CAB39L: variants seen among roughly 807,000 people sequenced by gnomAD.
CAB39L encodes the protein calcium binding protein 39 like.
A neutral mutation model predicts 39.1 loss-of-function variants in CAB39L; 23 were observed. The observed-to-expected ratio is 0.59, with a 90% CI of 0.42 to 0.83. CAB39L has a LOEUF of 0.83. CAB39L is among the 40% of genes least tolerant of loss of function. The pLI is 0.00. For synonymous variants in CAB39L, 126 were observed against 137.2 expected (o/e 0.92, Z 0.57); for missense variants, 366 against 391.9 (o/e 0.93, Z 0.56).
intron 3 of CAB39L, among the ~76,000 whole-genome samples, chr13:49,428,650 T>C (rs1957276594): frequency 1.3e-5 from 2 of 151,990 alleles, no homozygotes; most frequent in South Asian, 4.1e-4. Context: ...TCACATAACT[T>C]CTCTTTTCTT....
Position 49,310,546 on chromosome 13 carries a change from C to G in CAB39L, c.*268G>C, listed in dbSNP as rs375082754. 1 of 291,890 alleles carries G rather than the reference C, an allele frequency of 3.4e-6. No individual in the cohort carries two copies. 18.1% of individuals were successfully genotyped at this position (291,890 alleles called of 1,614,324 possible). A position where few individuals can be genotyped will look rare whatever the true frequency, so the allele number is the denominator to read the frequency against. On this transcript the variant is annotated 3_prime_UTR_variant, in exon 11 of 11. Coordinates refer to ENST00000409308, the MANE Select transcript of CAB39L (RefSeq NM_001079670.3). ...TAGCGGCTCATTGTGCCCAGGGGCT[C>G]ACATCTGCAAGTTAAAATTGCTTTT...
chr13:49,354,074 A>G (rs575931385), intron 6 of CAB39L, among the ~76,000 whole-genome samples: 1 of 152,270 alleles, frequency 6.6e-6, no homozygotes, highest in East Asian at 1.9e-4. Flanking sequence ...CCATCTATAA[A>G]AAGTTTCCAC....
In CAB39L at chr13:49,359,724, G is replaced by A. The variant is rs969128152; in HGVS notation, c.385C>T (p.Leu129Phe). 6.9e-6 allele frequency: 11 copies of A among 1,585,168 alleles called. No homozygotes were observed. The highest frequency in any genetic ancestry group is 5.4e-5 in the African/African-American group (4 of 74,258). ...AAGCCATGTACCTACCCTTTGAGGA[G>A]CATAAACAGGATATGAGGATGAGCA... Reference protein sequence around the residue: ...ISAHPHILFMLLKGYEAPQIA... With the variant: ...ISAHPHILFMFLKGYEAPQIA... Residue 129 changes from leucine to phenylalanine, a missense_variant, in exon 6 of 11, where the codon CTC becomes TTC. Leu to Phe is a conservative substitution (Grantham distance 22). Transcript: ENST00000409308.
intron 5 of CAB39L, among the ~76,000 whole-genome samples, chr13:49,366,683 C>T (rs1467253615): frequency 6.7e-6 from 1 of 149,098 alleles, no homozygotes; most frequent in Non-Finnish European, 1.5e-5. Flanking sequence ...CTCCAAAACC[C>T]AACCCCCCAT....
At chr13:49,312,427 T>C (rs936614853) in intron 10 of CAB39L, among the ~76,000 whole-genome samples, 3 of 152,348 alleles carry the variant, frequency 2.0e-5, no homozygotes, top group South Asian at 4.1e-4. Context: ...ATCTTGTTAC[T>C]GTATCTTTTC....
chr13:49,442,807 A>AC (rs1566146228), intron 1 of CAB39L, among the ~76,000 whole-genome samples: 3 of 141,422 alleles, frequency 2.1e-5, no homozygotes, highest in African/African-American at 8.0e-5. Flanking sequence ...AAAAAAAAAA[A>AC]AAAAAAAAAA....
At chr13:49,363,939 A>G (rs1464461634) in intron 5 of CAB39L, among the ~76,000 whole-genome samples, 1 of 152,182 alleles carries the variant, frequency 6.6e-6, no homozygotes, top group African/African-American at 2.4e-5. Flanking sequence ...CTATGAAGAT[A>G]CACATGGACT....
At chr13:49,369,733 G>T (rs543470931) in intron 5 of CAB39L, among the ~76,000 whole-genome samples, 197 of 152,062 alleles carry the variant, frequency 1.3e-3, no homozygotes, top group African/African-American at 4.5e-3. Context: ...GACTACAGGT[G>T]CACACCACCA....
intron 9 of CAB39L, among the ~76,000 whole-genome samples, chr13:49,338,192 A>G (rs895398696): frequency 6.6e-6 from 1 of 152,138 alleles, no homozygotes; most frequent in Non-Finnish European, 1.5e-5. Context: ...CTATAAAGAC[A>G]CATGCACACG....
intron 1 of CAB39L, among the ~76,000 whole-genome samples, chr13:49,440,104 TTTTG>T (rs1957486074): frequency 6.6e-6 from 1 of 152,142 alleles, no homozygotes; most frequent in African/African-American, 2.4e-5. Context: ...ACTTGTCAAC[TTTTG>T]TTTTTGTTGC....
At position 49,359,764 on chromosome 13, in the gene CAB39L, A is replaced by G. The variant is rs1248096002; in HGVS notation, c.345T>C (p.Thr115=). 1.2e-6 allele frequency: 2 copies of G among 1,613,090 alleles called. No individual in the cohort carries two copies. Among genetic ancestry groups the G allele is most frequent in the Middle Eastern group, 1.7e-4 (1 of 6,058 alleles). ...LRRQIGTRSP[T]VEYISAHPHI... ...GAGGATGAGCACTAATATACTCCACAGTAGGACTCCGAGTGCCTATCTGTC... is the reference window on the plus strand; with the variant it reads ...GAGGATGAGCACTAATATACTCCACGGTAGGACTCCGAGTGCCTATCTGTC... Residue 115 remains threonine, a synonymous_variant, in exon 6 of 11, where the codon ACT becomes ACC. Coordinates refer to ENST00000409308, the MANE Select transcript of CAB39L (RefSeq NM_001079670.3).
intron 3 of CAB39L, among the ~76,000 whole-genome samples, chr13:49,423,842 T>C (rs1957207646): frequency 6.6e-6 from 1 of 152,202 alleles, no homozygotes; most frequent in East Asian, 1.9e-4. Flanking sequence ...AAAGTAATTG[T>C]AGACCTAGAA....
chr13:49,376,613 A>G (rs1956066439), intron 5 of CAB39L, among the ~76,000 whole-genome samples: 1 of 152,192 alleles, frequency 6.6e-6, no homozygotes. Context: ...TTCTTCATCT[A>G]TAACATGGGG....
intron 1 of CAB39L, among the ~76,000 whole-genome samples, chr13:49,440,502 C>T (rs1957492190): frequency 6.6e-6 from 1 of 151,864 alleles, no homozygotes; most frequent in African/African-American, 2.4e-5. Flanking sequence ...GTTACTGTAG[C>T]CTCAAAGTAT....
chr13:49,435,924 C>CACA (rs1957404917), intron 1 of CAB39L, among the ~76,000 whole-genome samples: 2 of 152,204 alleles, frequency 1.3e-5, no homozygotes, highest in African/African-American at 4.8e-5. Flanking sequence ...AGGAGGTTAG[C>CACA]TCTTTGTGAT....
chr13:49,410,118 G>A (rs1325850937), intron 3 of CAB39L, among the ~76,000 whole-genome samples: 1 of 152,146 alleles, frequency 6.6e-6, no homozygotes, highest in Non-Finnish European at 1.5e-5. Context: ...ATGAGGTTAA[G>A]AAACAGATCT....
chr13:49,426,749 T>C (rs564714863), intron 3 of CAB39L, among the ~76,000 whole-genome samples: 7 of 152,256 alleles, frequency 4.6e-5, no homozygotes, highest in Admixed American at 2.0e-4. Context: ...TATTGAAGAT[T>C]TTCTATGAGC....
intron 3 of CAB39L, among the ~76,000 whole-genome samples, chr13:49,397,477 T>C (rs929622142): frequency 4.6e-5 from 7 of 152,232 alleles, no homozygotes; most frequent in African/African-American, 1.7e-4. Flanking sequence ...ATGTCCCTTG[T>C]TAATTACTCT....
chr13:49,330,213 T>C (rs538345706), intron 10 of CAB39L, among the ~76,000 whole-genome samples: 109 of 152,356 alleles, frequency 7.2e-4, no homozygotes, highest in African/African-American at 2.5e-3. Context: ...TTTAAAACCT[T>C]GCCTTGCCCC....
Sources: gnomAD v4.1 joint callset for allele counts (sites outside exome capture counted in the v4.1 genomes callset) on GRCh38, gnomAD v4.1.1 for gene constraint, MANE v1.5 for transcripts, NCBI Gene and HGNC (gene_info 2026-07-23, HGNC 2026-07-21) for gene names.